VKORC1L1: variants seen among roughly 807,000 people sequenced by gnomAD.
VKORC1L1 encodes the protein vitamin K epoxide reductase complex subunit 1-like protein 1.
In VKORC1L1, 2 loss-of-function variants were observed where a neutral mutation model predicts 18.9. The observed-to-expected ratio is 0.11, with a 90% CI of 0.04 to 0.33. VKORC1L1 has a LOEUF of 0.33. Ranked by LOEUF, VKORC1L1 falls within the 10% of genes least tolerant of loss-of-function variation. The pLI is 1.00. For synonymous variants in VKORC1L1, 96 were observed against 100.0 expected (o/e 0.96, Z 0.24); for missense variants, 123 against 224.1 (o/e 0.55, Z 2.88).
intron 1 of VKORC1L1, among the ~76,000 whole-genome samples, chr7:65,943,213 A>G (rs767446411): frequency 1.3e-5 from 2 of 152,134 alleles, no homozygotes; most frequent in African/African-American, 2.4e-5. Context: ...AGCCTGGCCA[A>G]CATGGCGAAA....
At chr7:65,896,119 G>C (rs539677605) in intron 1 of VKORC1L1, among the ~76,000 whole-genome samples, 1 of 148,158 alleles carries the variant, frequency 6.7e-6, no homozygotes, top group Admixed American at 6.8e-5. Context: ...GGCCAGGCTC[G>C]TTTTGAACTC....
chr7:65,911,582 T>TTTTGTTTG (rs532746532), intron 1 of VKORC1L1, among the ~76,000 whole-genome samples: 1 of 151,916 alleles, frequency 6.6e-6, no homozygotes, highest in Non-Finnish European at 1.5e-5. Context: ...TGTATAAAAG[T>TTTTGTTTG]TTTGTTTGTT....
intron 1 of VKORC1L1, among the ~76,000 whole-genome samples, chr7:65,902,188 G>A (rs1176079787): frequency 1.3e-5 from 2 of 152,086 alleles, no homozygotes; most frequent in African/African-American, 4.8e-5. Context: ...ACAATCAGCA[G>A]AACTAGATCC....
chr7:65,929,524 A>T (rs1789821959), intron 1 of VKORC1L1, among the ~76,000 whole-genome samples: 1 of 151,922 alleles, frequency 6.6e-6, no homozygotes, highest in African/African-American at 2.4e-5. Flanking sequence ...GTAGCTTTAC[A>T]ACATCTTGAA....
At chr7:65,870,271 A>G (rs1583813532), upstream of VKORC1L1, among the ~76,000 whole-genome samples, 3 of 151,160 alleles carry the variant, frequency 2.0e-5, no homozygotes, top group African/African-American at 7.3e-5. Flanking sequence ...TACAGAAAAA[A>G]AAAAAAAAAA....
chr7:65,948,913 T>C (rs1270179785), intron 2 of VKORC1L1, 133 bp downstream of exon 2: 4 of 1,145,936 alleles, frequency 3.5e-6, no homozygotes, highest in South Asian at 1.6e-5. Context: ...TTTTGTGTTA[T>C]GAAAACTTGA....
intron 1 of VKORC1L1, among the ~76,000 whole-genome samples, chr7:65,944,410 T>C (rs1434229667): frequency 6.6e-6 from 1 of 152,020 alleles, no homozygotes; most frequent in East Asian, 1.9e-4. Flanking sequence ...TCTCAAGTGA[T>C]GAGTATGTAG....
chr7:65,942,186 A>G (rs1038396947), intron 1 of VKORC1L1, among the ~76,000 whole-genome samples: 7 of 152,116 alleles, frequency 4.6e-5, no homozygotes, highest in Non-Finnish European at 1.0e-4. Context: ...AAAACTACTG[A>G]CAGAGTTTAA....
chr7:65,931,697 C>T (rs111976439), intron 1 of VKORC1L1, among the ~76,000 whole-genome samples: 9 of 151,836 alleles, frequency 5.9e-5, no homozygotes, highest in African/African-American at 1.9e-4. Flanking sequence ...GCTGGAGTGC[C>T]GTGGGGTGAT....
In VKORC1L1 at chr7:65,958,282, T is replaced by G. The variant is rs1471590917; in HGVS notation, c.*3982T>G. 6.6e-6 allele frequency: 1 copy of G among 152,238 alleles called. No individual in the cohort carries two copies. Among genetic ancestry groups the G allele is most frequent in the Non-Finnish European group, 1.5e-5 (1 of 68,044 alleles). 9.4% of individuals were successfully genotyped at this position (152,238 alleles called of 1,614,324 possible). The stretch of plus-strand genomic sequence containing the variant: ...TTATAAAACTGTATTAAGCATGGCC[T>G]AAGTATTTATTAGGTATATGATCTG... On this transcript the variant is annotated 3_prime_UTR_variant, in exon 3 of 3. Coordinates refer to ENST00000360768, the MANE Select transcript of VKORC1L1 (RefSeq NM_173517.6).
At chr7:65,891,099 ATT>A (rs35196492) in intron 1 of VKORC1L1, among the ~76,000 whole-genome samples, 22 of 128,292 alleles carry the variant, frequency 1.7e-4, no homozygotes, top group East Asian at 2.2e-4. Flanking sequence ...GCCCAGCATA[ATT>A]TTTTTTTTTT....
intron 1 of VKORC1L1, among the ~76,000 whole-genome samples, chr7:65,939,302 C>T (rs188291868): frequency 1.5e-3 from 224 of 152,298 alleles, no homozygotes; most frequent in African/African-American, 5.0e-3. Context: ...GTGGCTCATC[C>T]AGCCAAAGAA....
At chr7:65,891,990 G>C (rs1472405179) in intron 1 of VKORC1L1, among the ~76,000 whole-genome samples, 1 of 151,860 alleles carries the variant, frequency 6.6e-6, no homozygotes, top group Non-Finnish European at 1.5e-5. Context: ...GTCTACATGG[G>C]TTCAATTTTT....
At chr7:65,868,044 C>A in the VKORC1L1 span, among the ~76,000 whole-genome samples, 3 of 152,140 alleles carry the variant, frequency 2.0e-5, no homozygotes, top group African/African-American at 7.2e-5. Flanking sequence ...ATAGGGTTTC[C>A]CCATGTTGGC....
chr7:65,951,104 T>C (rs1446806361), intron 2 of VKORC1L1, among the ~76,000 whole-genome samples: 1 of 152,242 alleles, frequency 6.6e-6, no homozygotes, highest in African/African-American at 2.4e-5. Flanking sequence ...CATTCGCATT[T>C]TTTGACTCGC....
At chr7:65,876,475 C>T (rs1328290435) in intron 1 of VKORC1L1, among the ~76,000 whole-genome samples, 1 of 151,480 alleles carries the variant, frequency 6.6e-6, no homozygotes, top group Non-Finnish European at 1.5e-5. Flanking sequence ...GCACTCCAGC[C>T]TGTGTGACAG....
At chr7:65,950,647 A>G (rs2115744126) in intron 2 of VKORC1L1, among the ~76,000 whole-genome samples, 1 of 152,362 alleles carries the variant, frequency 6.6e-6, no homozygotes, top group African/African-American at 2.4e-5. Flanking sequence ...AAATGGAGGT[A>G]GGTTACAAAT....
rs1790272165 is a variant in VKORC1L1 at position 65,955,026 on chromosome 7, A to C, written c.*726A>C. The C allele has an allele frequency of 6.6e-6, 1 of 152,256 alleles. No homozygotes were observed. The highest frequency in any genetic ancestry group is 6.5e-5 in the Admixed American group (1 of 15,274). 9.4% of individuals were successfully genotyped at this position (152,256 alleles called of 1,614,324 possible). On this transcript the variant is annotated 3_prime_UTR_variant, in exon 3 of 3. Transcript: ENST00000360768. ...CATCTCCCTCTTCTGAAAGGAAAAA[A>C]TTGAATTGGAACGTTCAAGTCCAGT...
Position 65,934,755 on chromosome 7 carries a change from A to G in VKORC1L1, c.195-13916A>G, listed in dbSNP as rs141242524. Among the ~76,000 whole-genome samples the G allele has an allele frequency of 6.9e-3, 1,045 of 152,218 alleles. 11 individuals are homozygous for G. The highest frequency in any genetic ancestry group is 0.022 in the African/African-American group (906 of 41,528). On this transcript the variant is annotated intron_variant, in intron 1 of 2. Coordinates refer to ENST00000360768, the MANE Select transcript of VKORC1L1 (RefSeq NM_173517.6). ...TCTTACAAATGTTAAAGCACTTTAG[A>G]TATTAAAAAAAAGTCTAGGCTGGGC...
Sources: gnomAD v4.1 joint callset for allele counts (sites outside exome capture counted in the v4.1 genomes callset) on GRCh38, gnomAD v4.1.1 for gene constraint, MANE v1.5 for transcripts, NCBI Gene and HGNC (gene_info 2026-07-23, HGNC 2026-07-21) for gene names.